Variants in SEMA6D observed in about 807,000 individuals in gnomAD.
The protein encoded by SEMA6D is semaphorin-6D.
SEMA6D carries 35 observed loss-of-function variants against 106.6 expected under a neutral mutation model. The ratio of observed to expected loss-of-function variants is 0.33; its 90% confidence interval spans 0.25 to 0.44. The LOEUF (loss-of-function observed/expected upper bound fraction) is 0.44. SEMA6D is among the 20% of genes least tolerant of loss of function. The pLI is 1.00. For missense variants in SEMA6D, 1,185 were observed against 1,345.9 expected (o/e 0.88, Z 1.87); for synonymous variants, 499 against 487.7 (o/e 1.02, Z -0.31).
intron 3 of SEMA6D, among the ~76,000 whole-genome samples, chr15:47,471,251 C>G (rs2042827764): frequency 6.6e-6 from 1 of 152,128 alleles, no homozygotes; most frequent in Admixed American, 6.5e-5. Context: ...CACTGACGCA[C>G]TGTCCTAGTC....
intron 1 of SEMA6D, among the ~76,000 whole-genome samples, chr15:47,365,860 C>G (rs1868258553): frequency 7.8e-6 from 1 of 129,020 alleles, no homozygotes; most frequent in African/African-American, 3.1e-5. Flanking sequence ...GACTCCATCT[C>G]AAAGAAAGAA....
At chr15:47,238,727 G>A (rs62013989) in intron 1 of SEMA6D, among the ~76,000 whole-genome samples, 1,773 of 152,208 alleles carry the variant, frequency 0.012, 32 homozygotes, top group Admixed American at 0.012. Flanking sequence ...GCCTGAGTTT[G>A]CTGGCAGCTA....
intron 3 of SEMA6D, among the ~76,000 whole-genome samples, chr15:47,513,363 G>T (rs1216220100): frequency 6.6e-6 from 1 of 152,054 alleles, no homozygotes; most frequent in African/African-American, 2.4e-5. Context: ...TGGCTGATTT[G>T]TCATGCAATC....
chr15:47,335,872 C>T (rs938044323), intron 1 of SEMA6D, among the ~76,000 whole-genome samples: 3 of 152,138 alleles, frequency 2.0e-5, no homozygotes, highest in Admixed American at 6.5e-5. Flanking sequence ...TACTACAACA[C>T]TGTGGAAGGT....
At chr15:47,629,885 CT>C (rs2077264357) in intron 4 of SEMA6D, among the ~76,000 whole-genome samples, 1 of 151,790 alleles carries the variant, frequency 6.6e-6, no homozygotes, top group African/African-American at 2.4e-5. Context: ...TGATTTTATT[CT>C]TTTTTATGGA....
At chr15:47,664,804 A>G (rs2077993251) in intron 4 of SEMA6D, among the ~76,000 whole-genome samples, 1 of 152,184 alleles carries the variant, frequency 6.6e-6, no homozygotes, top group Admixed American at 6.5e-5. Flanking sequence ...AGTTGTTCAA[A>G]GCTCATCTTG....
chr15:47,703,290 C>A (rs1380377695), intron 4 of SEMA6D, among the ~76,000 whole-genome samples: 1 of 152,086 alleles, frequency 6.6e-6, no homozygotes, highest in Non-Finnish European at 1.5e-5. Flanking sequence ...ATAGGCTATA[C>A]ATTCATTTTA....
chr15:47,344,512 A>T (rs1204544377), intron 1 of SEMA6D, among the ~76,000 whole-genome samples: 1 of 152,126 alleles, frequency 6.6e-6, no homozygotes, highest in East Asian at 1.9e-4. Context: ...CTATGCAGGG[A>T]GGGAGACCAA....
intron 1 of SEMA6D, among the ~76,000 whole-genome samples, chr15:47,253,010 A>G (rs1477949272): frequency 2.0e-5 from 3 of 152,184 alleles, no homozygotes; most frequent in Admixed American, 6.5e-5. Flanking sequence ...CTACATTCCC[A>G]CACCAACAGT....
At position 47,507,064 on chromosome 15, in the gene SEMA6D, G is replaced by A. The variant is rs549073821; in HGVS notation, c.-87+36519G>A. On this transcript the variant is annotated intron_variant, in intron 3 of 19. Coordinates refer to the SEMA6D transcript ENST00000558014. The stretch of plus-strand genomic sequence containing the variant: ...TTAACCAAAATAACTTGAAAAGGGT[G>A]TTGTTTTCATCTCTTGGAGCCATGT... 3.9e-5 allele frequency among the ~76,000 whole-genome samples: 6 copies of A among 152,266 alleles called. No individual in the cohort carries two copies. In the East Asian group the frequency reaches 1.2e-3, roughly 29 times the overall value.
At chr15:47,369,172 G>A (rs281280) in intron 1 of SEMA6D, among the ~76,000 whole-genome samples, 71,507 of 152,092 alleles carry the variant, frequency 0.47, 20,285 homozygotes, top group South Asian at 0.62. Flanking sequence ...AGTGCTGGTC[G>A]TAATCTAGAA....
At chr15:47,726,475 C>G (rs527495092) in intron 1 of SEMA6D, among the ~76,000 whole-genome samples, 1 of 152,226 alleles carries the variant, frequency 6.6e-6, no homozygotes, top group African/African-American at 2.4e-5. Flanking sequence ...TAGGGTCAAA[C>G]AGCTAGTGAC....
chr15:47,697,376 C>T (rs1430761680), intron 4 of SEMA6D, among the ~76,000 whole-genome samples: 1 of 152,170 alleles, frequency 6.6e-6, no homozygotes, highest in Non-Finnish European at 1.5e-5. Context: ...GATTTCCTCT[C>T]TGAACTCCCA....
chr15:47,590,779 G>A (rs2076424432), intron 3 of SEMA6D, among the ~76,000 whole-genome samples: 1 of 152,100 alleles, frequency 6.6e-6, no homozygotes, highest in South Asian at 2.1e-4. Flanking sequence ...CTAGGAAAAG[G>A]CAAAGGAAGG....
intron 1 of SEMA6D, among the ~76,000 whole-genome samples, chr15:47,362,977 C>G (rs371926296): frequency 2.0e-4 from 30 of 152,182 alleles, no homozygotes; most frequent in African/African-American, 7.0e-4. Flanking sequence ...AGCAAACCTT[C>G]CCAACACTGC....
At chr15:47,321,496 T>C (rs1159024799) in intron 1 of SEMA6D, among the ~76,000 whole-genome samples, 2 of 152,056 alleles carry the variant, frequency 1.3e-5, no homozygotes, top group Non-Finnish European at 2.9e-5. Flanking sequence ...ATAATTTTTT[T>C]AATTTCCATG....
chr15:47,191,791 A>G (rs1291699534), intron 1 of SEMA6D, among the ~76,000 whole-genome samples: 4 of 152,130 alleles, frequency 2.6e-5, no homozygotes, highest in African/African-American at 4.8e-5. Flanking sequence ...TTAATGGGAG[A>G]ATTGAAGCTA....
chr15:47,296,688 T>C (rs2035815563), intron 1 of SEMA6D, among the ~76,000 whole-genome samples: 4 of 152,222 alleles, frequency 2.6e-5, no homozygotes, highest in Admixed American at 2.6e-4. Flanking sequence ...TATCAAGATG[T>C]GAAGCTTGTA....
intron 4 of SEMA6D, among the ~76,000 whole-genome samples, chr15:47,620,633 T>C (rs1001119984): frequency 6.6e-6 from 1 of 152,196 alleles, no homozygotes; most frequent in East Asian, 1.9e-4. Flanking sequence ...ATCTAGTGGG[T>C]ACTAAAGGCA....
Sources: allele counts gnomAD v4.1 joint callset (sites outside exome capture counted in the v4.1 genomes callset), GRCh38; gene constraint gnomAD v4.1.1; transcripts MANE v1.5; gene names NCBI Gene and HGNC (gene_info 2026-07-23, HGNC 2026-07-21).